Variants in ELMO1 observed in about 807,000 individuals in gnomAD.
ELMO1 encodes the protein engulfment and cell motility 1.
Under a neutral mutation model 98.9 loss-of-function variants are expected in ELMO1, and 26 were observed. The observed-to-expected ratio is 0.26, with a 90% CI of 0.19 to 0.36. The LOEUF (loss-of-function observed/expected upper bound fraction) is 0.36. Ranked by LOEUF, ELMO1 falls within the 10% of genes least tolerant of loss-of-function variation. The pLI is 1.00. For missense variants in ELMO1, 627 were observed against 935.2 expected, an observed-to-expected ratio of 0.67 and a Z score of 4.30; for synonymous variants, 346 against 346.0, an observed-to-expected ratio of 1.00 and a Z score of 0.00.
At chr7:37,298,508 G>A (rs1798177919) in intron 4 of ELMO1, among the ~76,000 whole-genome samples, 1 of 146,172 alleles carries the variant, frequency 6.8e-6, no homozygotes, top group Admixed American at 7.0e-5. Flanking sequence ...CTGTGTCCAT[G>A]TGTTCTCATT....
chr7:37,418,469 T>C (rs758423864), intron 1 of ELMO1, among the ~76,000 whole-genome samples: 2 of 152,124 alleles, frequency 1.3e-5, no homozygotes, highest in East Asian at 3.9e-4. Flanking sequence ...CCTGGCCCAG[T>C]ACATTGCAAT....
intron 21 of ELMO1, among the ~76,000 whole-genome samples, chr7:36,860,172 C>T (rs1046679375): frequency 1.3e-5 from 2 of 152,146 alleles, no homozygotes; most frequent in African/African-American, 4.8e-5. Flanking sequence ...GGGAAGGCTT[C>T]TTTCTGGTCA....
intron 2 of ELMO1, among the ~76,000 whole-genome samples, chr7:37,327,163 C>T (rs1277889819): frequency 6.6e-6 from 1 of 152,230 alleles, no homozygotes; most frequent in Non-Finnish European, 1.5e-5. Flanking sequence ...CAGAAGGCCA[C>T]TGCACTCCAC....
At chr7:37,121,537 C>CAAATGAATG (rs1563015622) in intron 14 of ELMO1, among the ~76,000 whole-genome samples, 1 of 151,670 alleles carries the variant, frequency 6.6e-6, no homozygotes, top group African/African-American at 2.4e-5. Flanking sequence ...GATGGAAGAT[C>CAAATGAATG]AAATGAATGA....
chr7:37,147,847 G>T (rs1298671703), intron 13 of ELMO1, among the ~76,000 whole-genome samples: 1 of 146,572 alleles, frequency 6.8e-6, no homozygotes, highest in African/African-American at 2.5e-5. Flanking sequence ...AAAAAAAAAA[G>T]CCAGTTATTT....
chr7:36,891,017 G>A lies in ELMO1; in HGVS notation c.1602-3345C>T, dbSNP rs557802031. Among the ~76,000 whole-genome samples, 26 of 152,204 alleles carry A rather than the reference G, an allele frequency of 1.7e-4. 1 individual carries two copies. The East Asian group carries it at 4.8e-3, about 28-fold the overall frequency. ...TACCCTTCTCCCAAATACCCACATG[G>A]CCTGCTCCCTTAGTCCCTTACAAGT... On this transcript the variant is annotated intron_variant, in intron 17 of 21. Transcript: ENST00000310758.
At chr7:37,206,994 T>A (rs543661205) in intron 13 of ELMO1, among the ~76,000 whole-genome samples, 6 of 152,242 alleles carry the variant, frequency 3.9e-5, no homozygotes, top group Non-Finnish European at 5.9e-5. Flanking sequence ...TCCGGTAGAC[T>A]GAACAAGGAA....
intron 14 of ELMO1, among the ~76,000 whole-genome samples, chr7:37,114,493 T>C (rs1785445289): frequency 6.6e-6 from 1 of 152,122 alleles, no homozygotes; most frequent in African/African-American, 2.4e-5. Context: ...GCCAGAGACT[T>C]TAGTCACTGG....
intron 16 of ELMO1, among the ~76,000 whole-genome samples, chr7:37,005,247 C>T (rs6462727): frequency 0.014 from 2,103 of 151,910 alleles, 62 homozygotes; most frequent in African/African-American, 0.048. Context: ...GTAAATTCAG[C>T]GGGTAGAGGG....
intron 4 of ELMO1, among the ~76,000 whole-genome samples, chr7:37,295,238 A>T (rs553322855): frequency 6.6e-6 from 1 of 152,350 alleles, no homozygotes; most frequent in South Asian, 2.1e-4. Flanking sequence ...AGAAAATTTG[A>T]TAGAGTAAGG....
chr7:37,448,721 GAGCTCCGGCGAC>G lies in ELMO1; in HGVS notation c.-132_-121del, dbSNP rs1805772211. ...CAGCGGCAAGGGTTCCCGGCGATCA[GAGCTCCGGCGAC>G]CCGCCACCATTGAAGGGGAACTGGA... On this transcript the variant is annotated 5_prime_UTR_variant, in exon 1 of 22. Coordinates refer to ENST00000310758, the MANE Select transcript of ELMO1 (RefSeq NM_014800.11). 6.6e-6 allele frequency: 1 copy of G among 152,474 alleles called. No homozygotes were observed. The highest frequency in any genetic ancestry group is 6.5e-5 in the Admixed American group (1 of 15,282). The allele number at this position is 152,474 out of a possible 1,614,324, so 9.4% of individuals were successfully genotyped here. A position where few individuals can be genotyped will look rare whatever the true frequency, so the allele number is the denominator to read the frequency against.
At chr7:37,013,474 A>G (rs1793704914) in intron 15 of ELMO1, 39 bp from the exon 16 acceptor site, 1 of 1,607,404 alleles carries the variant, frequency 6.2e-7, no homozygotes, top group Admixed American at 1.7e-5. Flanking sequence ...AAAAGTTTTA[A>G]AACAGTGAAA....
intron 16 of ELMO1, among the ~76,000 whole-genome samples, chr7:37,005,813 C>CCTTTTCAGAGG (rs1204549391): frequency 6.6e-6 from 1 of 151,752 alleles, no homozygotes; most frequent in Non-Finnish European, 1.5e-5. Context: ...GCATCCTTTT[C>CCTTTTCAGAGG]CTTTTCAGAG....
chr7:37,314,113 G>A (rs1799027757), intron 4 of ELMO1, among the ~76,000 whole-genome samples: 1 of 152,230 alleles, frequency 6.6e-6, no homozygotes, highest in Non-Finnish European at 1.5e-5. Flanking sequence ...AATCAAGTAT[G>A]AAGCATTAGT....
At position 37,204,789 on chromosome 7, in the gene ELMO1, T is replaced by G. The variant is rs6958167; in HGVS notation, c.1086+6597A>C. The stretch of plus-strand genomic sequence containing the variant: ...ACTGATTGGTGCATTTACAATCCTT[T>G]AGCTAGAAAGAAAAGTTCTCCAAGT... On this transcript the variant is annotated intron_variant, in intron 13 of 21. Coordinates refer to ENST00000310758, the MANE Select transcript of ELMO1 (RefSeq NM_014800.11). Among the ~76,000 whole-genome samples the G allele has an allele frequency of 6.4e-3, 979 of 152,320 alleles. 3 individuals carry two copies. The highest frequency in any genetic ancestry group is 9.7e-3 in the Non-Finnish European group (662 of 68,034).
intron 15 of ELMO1, among the ~76,000 whole-genome samples, chr7:37,056,884 C>T (rs1009841950): frequency 6.6e-6 from 1 of 152,114 alleles, no homozygotes; most frequent in African/African-American, 2.4e-5. Flanking sequence ...AGTTACTGCA[C>T]CTCTGAATAG....
chr7:36,979,742 G>A (rs1790885828), intron 16 of ELMO1, among the ~76,000 whole-genome samples: 1 of 152,128 alleles, frequency 6.6e-6, no homozygotes, highest in Non-Finnish European at 1.5e-5. Flanking sequence ...ACTTCAAATT[G>A]CTGGCTCATT....
intron 13 of ELMO1, among the ~76,000 whole-genome samples, chr7:37,185,453 C>T (rs1385627800): frequency 1.3e-5 from 2 of 152,072 alleles, no homozygotes; most frequent in Non-Finnish European, 2.9e-5. Flanking sequence ...TAACTGAGTT[C>T]CAAACAAAGG....
intron 14 of ELMO1, among the ~76,000 whole-genome samples, chr7:37,121,553 A>C (rs542540386): frequency 6.6e-6 from 1 of 152,352 alleles, no homozygotes; most frequent in South Asian, 2.1e-4. Flanking sequence ...AATGAAATGA[A>C]GTGAGAAGAG....
Sources: allele counts gnomAD v4.1 joint callset (sites outside exome capture counted in the v4.1 genomes callset), GRCh38; gene constraint gnomAD v4.1.1; transcripts MANE v1.5; gene names NCBI Gene and HGNC (gene_info 2026-07-23, HGNC 2026-07-21).